The following CC2D2A variants were observed in gnomAD, a reference collection of about 807,000 sequenced individuals.
The protein encoded by CC2D2A is coiled-coil and C2 domain-containing protein 2A.
Under a neutral mutation model 212.9 loss-of-function variants are expected in CC2D2A, and 155 were observed. The observed-to-expected ratio is 0.73, with a 90% CI of 0.64 to 0.83. The LOEUF (loss-of-function observed/expected upper bound fraction) is 0.83. Among genes scored for constraint, CC2D2A ranks in the 40% least tolerant of loss-of-function variants. The probability of loss-of-function intolerance (pLI) is 0.00; values close to 1 mark genes in which losing one functional copy is unlikely to be tolerated. For missense variants in CC2D2A, 1,856 were observed against 1,956.2 expected (o/e 0.95, Z 0.97); for synonymous variants, 667 against 686.5 (o/e 0.97, Z 0.44).
chr4:15,478,953 T>G (rs1714428434), intron 3 of CC2D2A, 147 bp downstream of exon 3: 1 of 699,772 alleles, frequency 1.4e-6, no homozygotes, highest in Non-Finnish European at 2.5e-6. Context: ...GAGGCGGGGA[T>G]GCAGATGGGT....
At chr4:15,480,593 A>G (rs1273479058) in intron 3 of CC2D2A, 111 bp from the exon 4 acceptor site, 5 of 1,203,554 alleles carry the variant, frequency 4.2e-6, no homozygotes, top group Non-Finnish European at 5.5e-6. Context: ...GGTTATCCAG[A>G]TGTGAATAGT....
At chr4:15,517,504 G>A (rs1162321172) in intron 11 of CC2D2A, among the ~76,000 whole-genome samples, 1 of 152,092 alleles carries the variant, frequency 6.6e-6, no homozygotes, top group Non-Finnish European at 1.5e-5. Flanking sequence ...TCCAGCCCTT[G>A]CTCTACCATT....
intron 20 of CC2D2A, 121 bp from the exon 21 acceptor site, chr4:15,557,183 G>A (rs1719326967): frequency 3.4e-6 from 2 of 589,076 alleles, no homozygotes; most frequent in Non-Finnish European, 6.1e-6. Flanking sequence ...ATATTTTAAA[G>A]TATTTTGTCT....
intron 17 of CC2D2A, 128 bp downstream of exon 17, chr4:15,541,142 T>C (rs1718419013): frequency 1.5e-6 from 1 of 661,098 alleles, no homozygotes; most frequent in South Asian, 2.9e-5. Flanking sequence ...CAAAACCACA[T>C]CTCTACTGTA....
intron 4 of CC2D2A, among the ~76,000 whole-genome samples, chr4:15,486,300 G>A (rs1417514801): frequency 6.6e-6 from 1 of 152,028 alleles, no homozygotes; most frequent in African/African-American, 2.4e-5. Flanking sequence ...TTTCTTTGAA[G>A]AGAAACACTT....
intron 11 of CC2D2A, chr4:15,519,431 GC>G (rs1328259365): frequency 1.5e-5 from 6 of 413,118 alleles, no homozygotes; most frequent in Admixed American, 1.3e-4. Context: ...CTTCTTCTGA[GC>G]CCTCCAAACT....
chr4:15,564,413 G>A (rs1719784124), intron 24 of CC2D2A, among the ~76,000 whole-genome samples: 1 of 152,122 alleles, frequency 6.6e-6, no homozygotes, highest in African/African-American at 2.4e-5. Context: ...GGAGAAAGTA[G>A]CACTTAATGT....
At chr4:15,599,445 C>T in intron 35 of CC2D2A, 84 bp from the exon 36 acceptor site, 1 of 825,226 alleles carries the variant, frequency 1.2e-6, no homozygotes, top group Non-Finnish European at 1.8e-6. Context: ...ATACAATCAT[C>T]TGAATCCCCA....
chr4:15,520,479 T>C (rs1717140402), intron 11 of CC2D2A, among the ~76,000 whole-genome samples: 1 of 152,198 alleles, frequency 6.6e-6, no homozygotes, highest in Admixed American at 6.5e-5. Flanking sequence ...TAAACACAGA[T>C]ATGATGAACA....
intron 4 of CC2D2A, among the ~76,000 whole-genome samples, chr4:15,483,462 C>A (rs530983042): frequency 1.3e-5 from 2 of 152,152 alleles, no homozygotes; most frequent in Admixed American, 6.5e-5. Flanking sequence ...ATAGAAATCA[C>A]CTATCAGTCC....
At chr4:15,574,353 T>G in intron 29 of CC2D2A, 27 bp downstream of exon 29, 1 of 1,501,696 alleles carries the variant, frequency 6.7e-7, no homozygotes, top group Non-Finnish European at 9.0e-7. Context: ...TGGAAACCCA[T>G]GTCTATGTTG....
chr4:15,594,544 TG>T (rs1305500606), intron 33 of CC2D2A, among the ~76,000 whole-genome samples: 3 of 151,948 alleles, frequency 2.0e-5, no homozygotes, highest in Admixed American at 2.0e-4. Context: ...GCAATGACAA[TG>T]GCAGAGGTAC....
chr4:15,562,191 C>T (rs1004509566), intron 23 of CC2D2A, among the ~76,000 whole-genome samples: 2 of 152,228 alleles, frequency 1.3e-5, no homozygotes, highest in African/African-American at 4.8e-5. Context: ...ACCTCAGCCT[C>T]AGCTGGCATG....
At chr4:15,598,475 G>C (rs1279871366) in intron 35 of CC2D2A, among the ~76,000 whole-genome samples, 6 of 152,026 alleles carry the variant, frequency 3.9e-5, no homozygotes. Flanking sequence ...TGTAAAATCA[G>C]GACAATATCC....
chr4:15,521,418 A>T (rs183669156), intron 11 of CC2D2A, among the ~76,000 whole-genome samples: 1 of 152,266 alleles, frequency 6.6e-6, no homozygotes, highest in East Asian at 1.9e-4. Context: ...TCCTTCATTT[A>T]TTCAGTCTGT....
intron 30 of CC2D2A, among the ~76,000 whole-genome samples, chr4:15,584,642 C>A (rs1164607031): frequency 1.3e-5 from 2 of 151,870 alleles, no homozygotes; most frequent in African/African-American, 2.4e-5. Context: ...CAAAAACAGA[C>A]AAATGAGATT....
Position 15,527,574 on chromosome 4 carries a change from T to G in CC2D2A, c.1277T>G (p.Val426Gly). Reference sequence around the variant, plus strand: ...CATCCCTGTTTTAGCCGAGAGCATGTTTTGGCAGCCAAGCTGGCCCAGTTA... The same window carrying G: ...CATCCCTGTTTTAGCCGAGAGCATGGTTTGGCAGCCAAGCTGGCCCAGTTA... ...THHPCFSREH[V>G]LAAKLAQLYD... Residue 426 changes from valine to glycine, a missense_variant, in exon 12 of 37, where the codon GTT (valine) becomes GGT (glycine). By Grantham distance (109) the Val-to-Gly change is moderately radical. Around this residue, in one of 5 missense-constraint regions of CC2D2A, gnomAD observed 1,512 missense variants for 1,579.3 expected, o/e 0.96. Coordinates refer to ENST00000424120, the MANE Select transcript of CC2D2A (RefSeq NM_001378615.1). 2 of 1,613,476 alleles carry G rather than the reference T, an allele frequency of 1.2e-6. No homozygotes were observed.
rs1379967902 is a variant in CC2D2A at position 15,492,161 on chromosome 4, T to C, written c.248-10268T>C. The stretch of plus-strand genomic sequence containing the variant: ...CCATTAAATGGACTTTACATTTTTT[T>C]CTATTGCTTGGGTCAAAAACTTGGA... On this transcript the variant is annotated intron_variant, in intron 4 of 36. Transcript: ENST00000424120. 2.0e-5 allele frequency among the ~76,000 whole-genome samples: 3 copies of C among 152,228 alleles called. No individual in the cohort carries two copies. The East Asian group carries it at 5.8e-4, about 29-fold the overall frequency.
chr4:15,502,555 T>C (rs1716020016), intron 5 of CC2D2A, 38 bp downstream of exon 5: 4 of 1,525,186 alleles, frequency 2.6e-6, no homozygotes, highest in South Asian at 2.4e-5. Context: ...TCAGTGCTGA[T>C]TGCAATCTTC....
Sources: gnomAD v4.1 joint callset for allele counts (sites outside exome capture counted in the v4.1 genomes callset) on GRCh38, gnomAD v4.1.1 for gene constraint, gnomAD v4.1.1 regional missense constraint, MANE v1.5 for transcripts, NCBI Gene and HGNC (gene_info 2026-07-23, HGNC 2026-07-21) for gene names.